Variants in RFESD observed in about 807,000 individuals in gnomAD.
The protein encoded by RFESD is Rieske domain-containing protein.
In RFESD, 16 loss-of-function variants were observed where a neutral mutation model predicts 24.4. That is an observed-to-expected ratio of 0.66 (90% CI 0.44 to 1.00). The LOEUF (loss-of-function observed/expected upper bound fraction) is 1.00. RFESD is among the 50% of genes least tolerant of loss of function. RFESD has a pLI of 0.00. For missense variants in RFESD, 208 were observed against 247.0 expected (o/e 0.84, Z 1.06); for synonymous variants, 59 against 81.8 (o/e 0.72, Z 1.50).
rs1750384127 is a variant in RFESD at position 95,652,275 on chromosome 5, T to G, written c.4T>G (p.Leu2Val). 6.5e-7 allele frequency: 1 copy of G among 1,550,310 alleles called. No individual in the cohort carries two copies. Among genetic ancestry groups the G allele is most frequent in the African/African-American group, 1.4e-5 (1 of 73,034 alleles). Residue 2 changes from leucine (L) to valine (V), a missense_variant, in exon 2 of 6, where the codon TTG becomes GTG. By Grantham distance (32) the Leu-to-Val change is conservative. Coordinates refer to ENST00000380005, the MANE Select transcript of RFESD (RefSeq NM_001131066.2). Reference protein sequence around the residue: MLKCFRNCLRPS... With the variant: MVKCFRNCLRPS... ...CTCTCTTCCACCTGACCTCTAAATG[T>G]TGAAGTGTTTCAGGAATTGTCTTAG...
chr5:95,654,633 C>T (rs1179026854), intron 5 of RFESD, among the ~76,000 whole-genome samples: 2 of 152,026 alleles, frequency 1.3e-5, no homozygotes, highest in African/African-American at 4.8e-5. Context: ...TAATTGAAGG[C>T]AACCTAAATG....
intron 5 of RFESD, among the ~76,000 whole-genome samples, chr5:95,655,073 A>G (rs552922763): frequency 6.6e-6 from 1 of 152,138 alleles, no homozygotes; most frequent in African/African-American, 2.4e-5. Context: ...AACCGATGCA[A>G]AGTACAAGCT....
Position 95,657,975 on chromosome 5 carries a change from T to C in RFESD, c.*1666T>C, listed in dbSNP as rs928238175. The stretch of plus-strand genomic sequence containing the variant: ...GTTTGCAGGAATAATTACAGAAATA[T>C]TTTCTCATAGGAGCCACTGGCAATA... On this transcript the variant is annotated 3_prime_UTR_variant, in exon 6 of 6. Transcript: ENST00000380005. The C allele has an allele frequency of 6.6e-6, 1 of 152,308 alleles. No individual in the cohort carries two copies. Among genetic ancestry groups the C allele is most frequent in the Non-Finnish European group, 1.5e-5 (1 of 68,022 alleles). The allele number at this position is 152,308 out of a possible 1,614,324, so 9.4% of individuals were successfully genotyped here.
rs1263436690 is a variant in RFESD at position 95,656,799 on chromosome 5, A to G, written c.*490A>G. ...GCATTCTTCCATTCTTGTTTTATTT[A>G]TACCTCTGTGGATTTGCTACCTCTC... On this transcript the variant is annotated 3_prime_UTR_variant, in exon 6 of 6. Coordinates refer to ENST00000380005, the MANE Select transcript of RFESD (RefSeq NM_001131066.2). 1.3e-5 allele frequency: 2 copies of G among 153,186 alleles called. No individual in the cohort carries two copies. The highest frequency in any genetic ancestry group is 2.4e-5 in the African/African-American group (1 of 41,450). 9.5% of individuals were successfully genotyped at this position (153,186 alleles called of 1,614,324 possible). A position where few individuals can be genotyped will look rare whatever the true frequency, so the allele number is the denominator to read the frequency against.
At chr5:95,653,347 ATT>A in intron 3 of RFESD, 133 bp downstream of exon 3, 1 of 1,257,168 alleles carries the variant, frequency 8.0e-7, no homozygotes, top group African/African-American at 1.5e-5. Flanking sequence ...GCTGAAGACT[ATT>A]CAGACAATCA....
intron 2 of RFESD, 60 bp downstream of exon 2, chr5:95,652,391 G>A (rs951340510): frequency 6.5e-6 from 10 of 1,534,500 alleles, no homozygotes; most frequent in East Asian, 2.5e-5. Flanking sequence ...AGAAATTCTC[G>A]ACTTTAGTCT....
intron 2 of RFESD, chr5:95,652,721 G>A (rs1207907715): frequency 4.2e-6 from 1 of 236,530 alleles, no homozygotes; most frequent in East Asian, 9.1e-5. Flanking sequence ...TGTAGCCTTT[G>A]AATAGTGCCT....
intron 1 of RFESD, among the ~76,000 whole-genome samples, chr5:95,649,478 C>T (rs1188932653): frequency 6.6e-6 from 1 of 152,018 alleles, no homozygotes; most frequent in East Asian, 1.9e-4. Flanking sequence ...TCCTGGTGTA[C>T]CTGTGTGCAT....
intron 1 of RFESD, among the ~76,000 whole-genome samples, chr5:95,648,712 C>T (rs1483165300): frequency 6.6e-6 from 1 of 152,054 alleles, no homozygotes; most frequent in African/African-American, 2.4e-5. Flanking sequence ...TTATCAGTCC[C>T]GTAAAAGTTC....
intron 1 of RFESD, among the ~76,000 whole-genome samples, chr5:95,650,598 C>T (rs752450008): frequency 6.6e-6 from 1 of 152,202 alleles, no homozygotes; most frequent in Non-Finnish European, 1.5e-5. Flanking sequence ...GAACCATGCT[C>T]TTTTTCTGCT....
At chr5:95,647,909 A>G (rs1267025260) in intron 1 of RFESD, 1 of 152,120 alleles carries the variant, frequency 6.6e-6, no homozygotes, top group Non-Finnish European at 1.5e-5. Flanking sequence ...TTTATCTGTT[A>G]TTATTCTGCC....
intron 2 of RFESD, chr5:95,652,675 T>C (rs1750421609): frequency 4.1e-6 from 1 of 246,118 alleles, no homozygotes; most frequent in Admixed American, 5.0e-5. Context: ...AATACCTTTT[T>C]AGTAACATGG....
chr5:95,654,861 G>C (rs537296103), intron 5 of RFESD, among the ~76,000 whole-genome samples: 1 of 138,798 alleles, frequency 7.2e-6, no homozygotes, highest in East Asian at 1.9e-4. Context: ...TGTATACACT[G>C]TGCATAATTT....
Position 95,656,312 on chromosome 5 carries a change from A to G in RFESD, c.*3A>G. 1 of 1,594,854 alleles carries G rather than the reference A, an allele frequency of 6.3e-7. No homozygotes were observed. The highest frequency in any genetic ancestry group is 8.6e-7 in the Non-Finnish European group (1 of 1,168,686). On this transcript the variant is annotated 3_prime_UTR_variant, in exon 6 of 6. Coordinates refer to ENST00000380005, the MANE Select transcript of RFESD (RefSeq NM_001131066.2). ...AAGTAATTAAGAGTTCTTCCTGATAAAAAATATATAGAAATGAAAAATGTT... is the reference window on the plus strand; with the variant it reads ...AAGTAATTAAGAGTTCTTCCTGATAGAAAATATATAGAAATGAAAAATGTT...
intron 1 of RFESD, among the ~76,000 whole-genome samples, chr5:95,651,607 C>G (rs919959584): frequency 2.0e-5 from 3 of 152,098 alleles, no homozygotes; most frequent in Non-Finnish European, 4.4e-5. Flanking sequence ...AGTATGTTGC[C>G]TAGGCTGGTC....
chr5:95,653,354 C>T (rs1750478199), intron 3 of RFESD, 140 bp downstream of exon 3: 1 of 1,206,536 alleles, frequency 8.3e-7, no homozygotes, highest in Admixed American at 2.8e-5. Context: ...ACTATTCAGA[C>T]AATCAAAGAA....
At chr5:95,655,119 G>A (rs1750662681) in intron 5 of RFESD, among the ~76,000 whole-genome samples, 1 of 152,116 alleles carries the variant, frequency 6.6e-6, no homozygotes, top group Non-Finnish European at 1.5e-5. Context: ...CACTTGATGA[G>A]TGTACACACC....
At chr5:95,653,993 TATCTCC>T in intron 3 of RFESD, 62 bp from the exon 4 acceptor site, 1 of 1,317,800 alleles carries the variant, frequency 7.6e-7, no homozygotes, top group African/African-American at 1.5e-5. Flanking sequence ...TTCTTAGGGT[TATCTCC>T]ATTAAGCTGG....
In RFESD at chr5:95,657,608, A is replaced by G. The variant is rs558065413; in HGVS notation, c.*1299A>G. ...TGGACTCTTTCTCTTGGTTATTATA[A>G]AAATAGTAAATGAGTAAGGTCCGTA... On this transcript the variant is annotated 3_prime_UTR_variant, in exon 6 of 6. Coordinates refer to ENST00000380005, the MANE Select transcript of RFESD (RefSeq NM_001131066.2). 1 of 152,258 alleles carries G rather than the reference A, an allele frequency of 6.6e-6. No individual in the cohort carries two copies. The highest frequency in any genetic ancestry group is 2.1e-4 in the South Asian group (1 of 4,828). The allele number at this position is 152,258 out of a possible 1,614,324, so 9.4% of individuals were successfully genotyped here. A position where few individuals can be genotyped will look rare whatever the true frequency, so the allele number is the denominator to read the frequency against.
Sources: allele counts gnomAD v4.1 joint callset (sites outside exome capture counted in the v4.1 genomes callset), GRCh38; gene constraint gnomAD v4.1.1; transcripts MANE v1.5; gene names NCBI Gene and HGNC (gene_info 2026-07-23, HGNC 2026-07-21).